SYNPO2: variants seen among roughly 807,000 people sequenced by gnomAD.
SYNPO2 encodes synaptopodin-2.
SYNPO2 carries 56 observed loss-of-function variants against 85.0 expected under a neutral mutation model. The ratio of observed to expected loss-of-function variants is 0.66; its 90% CI spans 0.53 to 0.82. The LOEUF (loss-of-function observed/expected upper bound fraction) is 0.82. SYNPO2 is among the 40% of genes least tolerant of loss of function. The pLI is 0.00. For synonymous variants in SYNPO2, 602 were observed against 591.1 expected (o/e 1.02, Z -0.27); for missense variants, 1,575 against 1,534.2 (o/e 1.03, Z -0.44).
intron 1 of SYNPO2, among the ~76,000 whole-genome samples, chr4:118,868,083 AT>A (rs1404725746): frequency 1.3e-5 from 2 of 151,708 alleles, no homozygotes; most frequent in African/African-American, 4.8e-5. Flanking sequence ...TTAATGAAAA[AT>A]ATTGGAGTAA....
chr4:118,986,177 C>T (rs74928856), intron 1 of SYNPO2, among the ~76,000 whole-genome samples: 13,674 of 152,212 alleles, frequency 0.09, 608 homozygotes, highest in East Asian at 0.15. Context: ...AATATTTAAA[C>T]CCACCCTATG....
chr4:119,007,390 A>C (rs1231183501), intron 1 of SYNPO2, among the ~76,000 whole-genome samples: 6 of 148,026 alleles, frequency 4.1e-5, no homozygotes, highest in Non-Finnish European at 7.4e-5. Context: ...CTGAAATGTT[A>C]AAAACAAAAA....
At chr4:119,043,372 T>C (rs1175515694) in intron 4 of SYNPO2, 1 of 152,226 alleles carries the variant, frequency 6.6e-6, no homozygotes, top group African/African-American at 2.4e-5. Context: ...TGTAGTATTT[T>C]AGCTAATTCA....
At chr4:118,890,697 T>TTCTCTC (rs796242049) in intron 1 of SYNPO2, among the ~76,000 whole-genome samples, 11,066 of 81,630 alleles carry the variant, frequency 0.14, 1,183 homozygotes, top group Admixed American at 0.21. Context: ...TCTCATCGGT[T>TTCTCTC]TCTCTCTCTC....
intron 1 of SYNPO2, among the ~76,000 whole-genome samples, chr4:118,995,174 A>G (rs1736541773): frequency 6.6e-6 from 1 of 152,218 alleles, no homozygotes. Context: ...TATTTGAGCT[A>G]TTGACTTAGG....
chr4:119,028,266 T>C (rs1456433771), intron 3 of SYNPO2, among the ~76,000 whole-genome samples: 2 of 151,312 alleles, frequency 1.3e-5, no homozygotes, highest in African/African-American at 4.9e-5. Flanking sequence ...TATTTGAGGA[T>C]GTAAAGGCTG....
chr4:118,876,677 CTT>C (rs1158484992), intron 1 of SYNPO2, among the ~76,000 whole-genome samples: 2 of 19,318 alleles, frequency 1.0e-4, no homozygotes, highest in Admixed American at 4.7e-4. Context: ...CTCTTTCTTT[CTT>C]TCTTTCTTTC....
Position 119,031,358 on chromosome 4 carries a change from A to G in SYNPO2, c.2583A>G (p.Pro861=). The change falls in exon 4 of 5, where the codon CCA becomes CCG. Residue 861 remains proline (P), a synonymous_variant. Transcript: ENST00000307142. The part of the protein sequence containing the change: ...VNAVQPGAVG[P]SNELPGMSGR... ...CTGTTCAGCCTGGTGCAGTGGGACC[A>G]TCCAATGAGCTTCCAGGAATGAGTG... The G allele has an allele frequency of 1.2e-6, 2 of 1,614,176 alleles. No individual in the cohort carries two copies. Among genetic ancestry groups the G allele is most frequent in the Non-Finnish European group, 1.7e-6 (2 of 1,180,038 alleles).
At chr4:118,994,522 T>C (rs929448092) in intron 1 of SYNPO2, among the ~76,000 whole-genome samples, 4 of 151,332 alleles carry the variant, frequency 2.6e-5, no homozygotes, top group Non-Finnish European at 5.9e-5. Context: ...TGCATCAATA[T>C]GAGCACTGTT....
Position 119,029,863 on chromosome 4 carries a change from GCCT to G in SYNPO2, c.1089_1091del (p.Ser363_Leu364delinsArg). The G allele has an allele frequency of 3.2e-6, 5 of 1,587,278 alleles. No individual in the cohort carries two copies. The highest frequency in any genetic ancestry group is 4.3e-6 in the Non-Finnish European group (5 of 1,165,042). ...TCCCTAGGGCTCAGGAGGAGTGAAA[GCCT>G]GTCAGAAAAACAAGTGAAGGAAGCA... On this transcript the variant is annotated inframe_deletion, in exon 4 of 5. Coordinates refer to ENST00000307142, the MANE Select transcript of SYNPO2 (RefSeq NM_133477.3).
At chr4:119,025,406 G>A (rs1321222160) in intron 2 of SYNPO2, among the ~76,000 whole-genome samples, 1 of 152,154 alleles carries the variant, frequency 6.6e-6, no homozygotes, top group Non-Finnish European at 1.5e-5. Context: ...TATAAATACT[G>A]TATTACAGGG....
At chr4:118,885,494 A>G (rs1275814713), upstream of SYNPO2, among the ~76,000 whole-genome samples, 1 of 148,310 alleles carries the variant, frequency 6.7e-6, no homozygotes, top group Non-Finnish European at 1.5e-5. Flanking sequence ...TCTTTCTCAG[A>G]TGGAGTCTTG....
At chr4:118,882,952 G>A (rs1427290240) in intron 1 of SYNPO2, among the ~76,000 whole-genome samples, 1 of 151,834 alleles carries the variant, frequency 6.6e-6, no homozygotes, top group African/African-American at 2.4e-5. Context: ...TTAGTGAGAC[G>A]GGGTTTCACT....
upstream of SYNPO2, among the ~76,000 whole-genome samples, chr4:118,885,780 C>T (rs74613035): frequency 0.039 from 5,953 of 152,148 alleles, 315 homozygotes; most frequent in East Asian, 0.14. Flanking sequence ...CTGCGCATAG[C>T]CAGATCCATA....
intron 1 of SYNPO2, among the ~76,000 whole-genome samples, chr4:118,936,480 G>A (rs892813180): frequency 1.3e-4 from 20 of 152,006 alleles, no homozygotes; most frequent in Admixed American, 1.3e-3. Flanking sequence ...TTATAAAAAT[G>A]AAAGAGAAAG....
At chr4:118,963,254 T>C (rs1735175972) in intron 1 of SYNPO2, among the ~76,000 whole-genome samples, 1 of 152,234 alleles carries the variant, frequency 6.6e-6, no homozygotes, top group African/African-American at 2.4e-5. Flanking sequence ...TCTGTCCCAC[T>C]GAAATGTGTT....
chr4:118,882,096 T>C (rs1351394326), intron 1 of SYNPO2, among the ~76,000 whole-genome samples: 1 of 152,268 alleles, frequency 6.6e-6, no homozygotes, highest in African/African-American at 2.4e-5. Flanking sequence ...AAGACTTTGC[T>C]GTCTTTGTCT....
chr4:118,866,110 G>A (rs1310650506), intron 1 of SYNPO2, among the ~76,000 whole-genome samples: 2 of 152,158 alleles, frequency 1.3e-5, no homozygotes, highest in African/African-American at 4.8e-5. Flanking sequence ...ACCCCTTGAT[G>A]CATGTGTATG....
chr4:118,882,702 G>A (rs1560820607), intron 1 of SYNPO2, among the ~76,000 whole-genome samples: 2 of 151,666 alleles, frequency 1.3e-5, no homozygotes, highest in Non-Finnish European at 2.9e-5. Flanking sequence ...TAATACATGG[G>A]GTTTTTACTT....
Sources: gnomAD v4.1 joint callset for allele counts (sites outside exome capture counted in the v4.1 genomes callset) on GRCh38, gnomAD v4.1.1 for gene constraint, MANE v1.5 for transcripts, NCBI Gene and HGNC (gene_info 2026-07-23, HGNC 2026-07-21) for gene names.